Variants in LYZL1 observed in about 807,000 individuals in gnomAD.
LYZL1 encodes lysozyme like 1.
In LYZL1, 16 loss-of-function variants were observed where a neutral mutation model predicts 17.9. The ratio of observed to expected loss-of-function variants is 0.90; its 90% CI spans 0.61 to 1.36. The LOEUF (loss-of-function observed/expected upper bound fraction) is 1.36. Ranked by LOEUF, LYZL1 falls within the 40% of genes most tolerant of loss-of-function variation. The pLI is 0.00. For missense variants in LYZL1, 149 were observed against 188.4 expected (o/e 0.79, Z 1.22); for synonymous variants, 58 against 71.8 (o/e 0.81, Z 0.97).
chr10:29,304,569 G>A (rs868707029), intron 3 of LYZL1, among the ~76,000 whole-genome samples: 7 of 152,150 alleles, frequency 4.6e-5, no homozygotes, highest in African/African-American at 1.7e-4. Flanking sequence ...TCTGTTGGAT[G>A]TGGAAGAATA....
At chr10:29,306,788 G>C (rs1232786846) in intron 3 of LYZL1, among the ~76,000 whole-genome samples, 1 of 129,554 alleles carries the variant, frequency 7.7e-6, no homozygotes, top group South Asian at 2.7e-4. Flanking sequence ...CATAGTTACC[G>C]CTTATGTATG....
intron 3 of LYZL1, among the ~76,000 whole-genome samples, chr10:29,317,158 G>C (rs1835742458): frequency 6.6e-6 from 1 of 152,156 alleles, no homozygotes; most frequent in African/African-American, 2.4e-5. Flanking sequence ...CAGCATAACA[G>C]TTACTTACGC....
intron 3 of LYZL1, 132 bp downstream of exon 3, chr10:29,292,809 TA>T: frequency 7.4e-7 from 1 of 1,345,892 alleles, no homozygotes; most frequent in Non-Finnish European, 1.0e-6. Context: ...TCCAGATTGG[TA>T]AATTATGCAA....
At position 29,289,088 on chromosome 10, in the gene LYZL1, C is replaced by T. The variant is rs775734819; in HGVS notation, c.-168C>T. The T allele has an allele frequency of 1.9e-6, 3 of 1,541,064 alleles. No homozygotes were observed. Among genetic ancestry groups the T allele is most frequent in the Non-Finnish European group, 2.6e-6 (3 of 1,139,418 alleles). On this transcript the variant is annotated 5_prime_UTR_variant, in exon 1 of 5. Transcript: ENST00000649382. ...TTGAGCTAGGAAAGGATTACTCGCGCCTCGTTAGAATCAGACATGGCTTCA... is the reference window on the plus strand; with the variant it reads ...TTGAGCTAGGAAAGGATTACTCGCGTCTCGTTAGAATCAGACATGGCTTCA...
At chr10:29,315,464 T>C (rs1042101965), downstream of LYZL1, among the ~76,000 whole-genome samples, 38 of 151,922 alleles carry the variant, frequency 2.5e-4, no homozygotes, top group African/African-American at 4.8e-5. Flanking sequence ...GGAGCCGAGA[T>C]TGCATCACTG....
intron 3 of LYZL1, among the ~76,000 whole-genome samples, chr10:29,302,580 A>G (rs1245672993): frequency 1.3e-5 from 2 of 152,126 alleles, no homozygotes; most frequent in Non-Finnish European, 2.9e-5. Flanking sequence ...TTAAATCTCC[A>G]CCCAGGTGTG....
intron 3 of LYZL1, among the ~76,000 whole-genome samples, chr10:29,308,122 A>T (rs928942092): frequency 6.6e-6 from 1 of 152,244 alleles, no homozygotes; most frequent in East Asian, 1.9e-4. Context: ...TGTGGTGGTC[A>T]TGGAGATGGG....
At chr10:29,298,818 C>G (rs1428207854) in intron 3 of LYZL1, among the ~76,000 whole-genome samples, 1 of 152,034 alleles carries the variant, frequency 6.6e-6, no homozygotes, top group Non-Finnish European at 1.5e-5. Context: ...GCACCAGGGA[C>G]CAGTTTGCAG....
chr10:29,303,261 T>G (rs1230341933), intron 3 of LYZL1, among the ~76,000 whole-genome samples: 1 of 152,194 alleles, frequency 6.6e-6, no homozygotes, highest in African/African-American at 2.4e-5. Context: ...TGGCGTCTGA[T>G]GTCTGTCTCC....
At chr10:29,316,396 TGAA>T (rs977155026) in intron 3 of LYZL1, among the ~76,000 whole-genome samples, 3 of 152,222 alleles carry the variant, frequency 2.0e-5, no homozygotes, top group African/African-American at 7.2e-5. Context: ...CAGAAGCTAA[TGAA>T]GAGAGTCTTG....
At chr10:29,290,455 C>T (rs1316797472) in intron 1 of LYZL1, among the ~76,000 whole-genome samples, 6 of 152,184 alleles carry the variant, frequency 3.9e-5, no homozygotes, top group Admixed American at 3.3e-4. Context: ...ATCCCTCTTG[C>T]TCCCCAGTCA....
intron 3 of LYZL1, among the ~76,000 whole-genome samples, chr10:29,305,892 T>G (rs910977106): frequency 6.6e-6 from 1 of 152,226 alleles, no homozygotes; most frequent in Non-Finnish European, 1.5e-5. Context: ...AATAGCATGC[T>G]CGAGGGAAAA....
intron 3 of LYZL1, among the ~76,000 whole-genome samples, chr10:29,296,881 T>C (rs1472369317): frequency 2.0e-5 from 3 of 151,984 alleles, no homozygotes; most frequent in Non-Finnish European, 2.9e-5. Context: ...CTCTCTTAAA[T>C]AGTTGCAGAG....
At chr10:29,297,354 A>G (rs1835459735) in intron 3 of LYZL1, among the ~76,000 whole-genome samples, 1 of 152,202 alleles carries the variant, frequency 6.6e-6, no homozygotes, top group Non-Finnish European at 1.5e-5. Context: ...CATTTCCAGA[A>G]CTAAAGAGCA....
In LYZL1 at chr10:29,292,561, C is replaced by T; in HGVS notation, c.182C>T (p.Ala61Val). The T allele has an allele frequency of 6.2e-7, 1 of 1,614,246 alleles. No individual in the cohort carries two copies. Among genetic ancestry groups the T allele is most frequent in the East Asian group, 2.2e-5 (1 of 44,882 alleles). Reference protein sequence around the residue: ...AYYESGYNTTAQTVLDDGSID... With the variant: ...AYYESGYNTTVQTVLDDGSID... ...TATGAGAGCGGCTACAACACCACAG[C>T]CCAGACGGTCCTGGATGACGGCAGC... is the stretch of plus-strand genomic sequence containing the variant. Residue 61 changes from alanine (A) to valine (V), a missense_variant, in exon 3 of 5, where the codon GCC (alanine) becomes GTC (valine). Around this residue, in one of 2 missense-constraint regions of LYZL1, gnomAD observed 130 missense variants for 132.5 expected, o/e 0.98. Transcript: ENST00000649382.
chr10:29,299,851 T>C (rs1218638896), intron 3 of LYZL1, among the ~76,000 whole-genome samples: 2 of 152,240 alleles, frequency 1.3e-5, no homozygotes, highest in Non-Finnish European at 2.9e-5. Flanking sequence ...TAGCATATAG[T>C]TATGTGTTGC....
rs201336281 is a variant in LYZL1 at position 29,310,113 on chromosome 10, T to G, written c.302T>G (p.Leu101Trp). The change falls in exon 4 of 5, where the codon TTG (leucine) becomes TGG (tryptophan). Residue 101 changes from leucine (L) to tryptophan (W), a missense_variant. Leu to Trp is a moderately conservative substitution (Grantham distance 61). Coordinates refer to ENST00000649382, the MANE Select transcript of LYZL1 (RefSeq NM_032517.6). ...TGATGTCTTCTCTCTTTTACAGCCT[T>G]GATCACTGATGACCTCACAGATGCA... ...NNHCHVACSA[L>W]ITDDLTDAII... 4.3e-6 allele frequency: 7 copies of G among 1,610,112 alleles called. No homozygotes were observed. The South Asian group carries it at 5.5e-5, about 13-fold the overall frequency.
chr10:29,299,146 A>T (rs544672808), intron 3 of LYZL1, among the ~76,000 whole-genome samples: 24 of 152,160 alleles, frequency 1.6e-4, no homozygotes, highest in Non-Finnish European at 4.4e-5. Flanking sequence ...GCTGCCACTG[A>T]TCCAACAGGA....
At chr10:29,315,352 A>T (rs1180658992), downstream of LYZL1, among the ~76,000 whole-genome samples, 3 of 152,194 alleles carry the variant, frequency 2.0e-5, no homozygotes, top group South Asian at 6.2e-4. Flanking sequence ...TCTACTAAAA[A>T]TACAAAAAAA....
Sources: gnomAD v4.1 joint callset for allele counts (sites outside exome capture counted in the v4.1 genomes callset) on GRCh38, gnomAD v4.1.1 for gene constraint, gnomAD v4.1.1 regional missense constraint, MANE v1.5 for transcripts, NCBI Gene and HGNC (gene_info 2026-07-23, HGNC 2026-07-21) for gene names.